Variants in NNMT observed in about 807,000 individuals in gnomAD.
NNMT encodes the protein nicotinamide N-methyltransferase.
NNMT carries 10 observed loss-of-function variants against 11.7 expected under a neutral mutation model. The observed-to-expected ratio is 0.85, with a 90% CI of 0.53 to 1.45. The LOEUF is 1.45. Ranked by LOEUF, NNMT falls within the 40% of genes most tolerant of loss-of-function variation. NNMT has a pLI of 0.00. For missense variants in NNMT, 381 were observed against 319.4 expected, an observed-to-expected ratio of 1.19 and a Z score of -1.47; for synonymous variants, 143 against 133.8, an observed-to-expected ratio of 1.07 and a Z score of -0.48.
rs1264697684 is a variant in NNMT, at chr11:114,298,099, GC to G, written c.305del (p.Pro102GlnfsTer10). ...QELEKWLKKE[P>X]EAFDWSPVVT... is the part of the protein sequence containing the mutation. The stretch of plus-strand genomic sequence containing the variant: ...AGCTGGAGAAGTGGCTGAAGAAAGA[GC>G]CAGAGGCCTTTGACTGGTCCCCAGT... On this transcript the variant is annotated frameshift_variant, in exon 2 of 3. Coordinates refer to ENST00000299964, the MANE Select transcript of NNMT (RefSeq NM_006169.3). LOFTEE classifies it high-confidence loss of function. 2 of 1,614,160 alleles carry G rather than the reference GC, an allele frequency of 1.2e-6. No homozygotes were observed. The highest frequency in any genetic ancestry group is 1.7e-6 in the Non-Finnish European group (2 of 1,180,032).
chr11:114,296,660 G>C lies in NNMT; in HGVS notation c.104G>C (p.Ser35Thr). Reference sequence around the variant, plus strand: ...TTTGGTTCTAGGCACTCTGCAGAAAGCCAGATTCTTAAGCACCTTCTGAAA... The same window carrying C: ...TTTGGTTCTAGGCACTCTGCAGAAACCCAGATTCTTAAGCACCTTCTGAAA... ...YKFGSRHSAE[S>T]QILKHLLKNL... The change falls in exon 1 of 3, where the codon AGC becomes ACC. Residue 35 changes from serine (S) to threonine (T), a missense_variant. Physicochemically the swap from Ser to Thr is moderately conservative, Grantham distance 58 (BLOSUM62 1). Transcript: ENST00000299964. 6.2e-7 allele frequency: 1 copy of C among 1,614,192 alleles called. No homozygotes were observed. The highest frequency in any genetic ancestry group is 8.5e-7 in the Non-Finnish European group (1 of 1,180,016).
chr11:114,299,107 T>C (rs1194445343), intron 2 of NNMT, among the ~76,000 whole-genome samples: 1 of 152,240 alleles, frequency 6.6e-6, no homozygotes, highest in Non-Finnish European at 1.5e-5. Flanking sequence ...TCCAACTTTA[T>C]GCTTTTTATT....
intron 2 of NNMT, among the ~76,000 whole-genome samples, chr11:114,263,952 C>T (rs990686247): frequency 3.9e-5 from 6 of 152,162 alleles, no homozygotes; most frequent in Non-Finnish European, 2.9e-5. Context: ...CTTCAGGAGA[C>T]AGGGCCTGTC....
At chr11:114,279,647 A>G (rs768723731) in intron 2 of NNMT, among the ~76,000 whole-genome samples, 2 of 152,192 alleles carry the variant, frequency 1.3e-5, no homozygotes, top group Non-Finnish European at 2.9e-5. Flanking sequence ...TGGGCTCCCT[A>G]TGCCAGAGCA....
chr11:114,298,584 A>G (rs572487637), intron 2 of NNMT, among the ~76,000 whole-genome samples: 53 of 152,336 alleles, frequency 3.5e-4, no homozygotes, highest in Middle Eastern at 3.4e-3. Context: ...GTAGCCATCC[A>G]AGCCTATAGA....
At chr11:114,268,734 A>C (rs180754743) in intron 2 of NNMT, among the ~76,000 whole-genome samples, 1 of 138,636 alleles carries the variant, frequency 7.2e-6, no homozygotes, top group Non-Finnish European at 1.5e-5. Context: ...GCACCACTGC[A>C]CTCCAGCCTG....
intron 2 of NNMT, among the ~76,000 whole-genome samples, chr11:114,303,254 T>A (rs1178490932): frequency 6.6e-6 from 1 of 152,156 alleles, no homozygotes; most frequent in Non-Finnish European, 1.5e-5. Context: ...TCTCTTAACT[T>A]ATCAAGTCGG....
intron 2 of NNMT, among the ~76,000 whole-genome samples, chr11:114,309,616 T>C (rs536913343): frequency 6.6e-6 from 1 of 152,300 alleles, no homozygotes; most frequent in East Asian, 1.9e-4. Flanking sequence ...TGACAGCTTA[T>C]TGAGATAAAA....
At chr11:114,301,712 C>A (rs1945440815) in intron 2 of NNMT, among the ~76,000 whole-genome samples, 1 of 151,872 alleles carries the variant, frequency 6.6e-6, no homozygotes, top group South Asian at 2.1e-4. Context: ...ATATATTTGT[C>A]CAAATCCATG....
intron 2 of NNMT, among the ~76,000 whole-genome samples, chr11:114,308,797 T>C (rs1196334579): frequency 6.6e-6 from 1 of 152,216 alleles, no homozygotes; most frequent in South Asian, 2.1e-4. Context: ...TTTACACAGC[T>C]ACCTTGGCAA....
Position 114,284,624 on chromosome 11 carries a change from C to T in NNMT, c.-129-11804C>T, listed in dbSNP as rs146233983. Among the ~76,000 whole-genome samples the T allele has an allele frequency of 7.2e-3, 1,093 of 150,886 alleles. 15 individuals carry two copies. Among genetic ancestry groups the T allele is most frequent in the African/African-American group, 0.026 (1,049 of 41,040 alleles). On this transcript the variant is annotated intron_variant, in intron 2 of 4. Coordinates refer to the NNMT transcript ENST00000535401. ...GACTACAGGCATGTGCCACCACACC[C>T]GACTGATTTTTGTATTTTTAGTAGA...
intron 2 of NNMT, among the ~76,000 whole-genome samples, chr11:114,311,068 C>A (rs1434622482): frequency 6.6e-6 from 1 of 152,178 alleles, no homozygotes; most frequent in East Asian, 1.9e-4. Context: ...GTGGCTCATG[C>A]CTGCAATTCC....
chr11:114,278,612 A>ATGTG (rs3057704), intron 2 of NNMT, among the ~76,000 whole-genome samples: 28,134 of 146,974 alleles, frequency 0.19, 2,775 homozygotes, highest in East Asian at 0.31. Flanking sequence ...CCTAATACTC[A>ATGTG]TGTGTGTGTG....
chr11:114,271,145 A>G (rs1006452698), intron 2 of NNMT, among the ~76,000 whole-genome samples: 1 of 152,224 alleles, frequency 6.6e-6, no homozygotes, highest in African/African-American at 2.4e-5. Flanking sequence ...GGTTCAACAT[A>G]TGAATTTTGG....
intron 1 of NNMT, among the ~76,000 whole-genome samples, chr11:114,258,846 G>A (rs1489473748): frequency 6.6e-6 from 1 of 152,098 alleles, no homozygotes; most frequent in Non-Finnish European, 1.5e-5. Context: ...GGTGTTCTGG[G>A]CCACACCGAG....
chr11:114,273,237 A>G (rs1031549037), intron 2 of NNMT, among the ~76,000 whole-genome samples: 8 of 152,208 alleles, frequency 5.3e-5, no homozygotes, highest in Non-Finnish European at 8.8e-5. Flanking sequence ...GCTCAGGGAT[A>G]AGAGGGTGAA....
rs1945104425 is a variant in NNMT at position 114,264,328 on chromosome 11, C to T, written c.-130+1394C>T. On this transcript the variant is annotated intron_variant, in intron 2 of 4. Coordinates refer to the NNMT transcript ENST00000535401. ...CCTTCCTTTTTCTTACAACAATTTC[C>T]AATTTGAGTTTTATCTCTGTTATTC... 2.0e-5 allele frequency among the ~76,000 whole-genome samples: 3 copies of T among 152,152 alleles called. No homozygotes were observed. The South Asian group carries it at 6.2e-4, about 32-fold the overall frequency.
intron 1 of NNMT, among the ~76,000 whole-genome samples, chr11:114,261,226 A>T (rs1038601783): frequency 1.3e-5 from 2 of 152,152 alleles, no homozygotes; most frequent in African/African-American, 4.8e-5. Flanking sequence ...GTGGGCACTG[A>T]CTGCAGGTGC....
chr11:114,280,575 T>G (rs1197480724), intron 2 of NNMT, among the ~76,000 whole-genome samples: 1 of 152,102 alleles, frequency 6.6e-6, no homozygotes, highest in Non-Finnish European at 1.5e-5. Context: ...GAGAAGGGTC[T>G]TAGGTACTCA....
Sources: gnomAD v4.1 joint callset for allele counts (sites outside exome capture counted in the v4.1 genomes callset) on GRCh38, gnomAD v4.1.1 for gene constraint, MANE v1.5 for transcripts, NCBI Gene and HGNC (gene_info 2026-07-23, HGNC 2026-07-21) for gene names.